Variants in ADAMTSL1 observed in about 807,000 individuals in gnomAD.
ADAMTSL1 encodes the protein ADAMTS-like protein 1.
A neutral mutation model predicts 201.8 loss-of-function variants in ADAMTSL1; 126 were observed. The observed-to-expected ratio is 0.62, with a 90% CI of 0.54 to 0.72. The LOEUF (loss-of-function observed/expected upper bound fraction) is 0.72, where lower values mean the gene tolerates loss of function less well. Ranked by LOEUF, ADAMTSL1 falls within the 30% of genes least tolerant of loss-of-function variation. The pLI is 0.00. For missense variants in ADAMTSL1, 2,679 were observed against 2,277.8 expected, an observed-to-expected ratio of 1.18 and a Z score of -3.59; for synonymous variants, 1,121 against 903.4, an observed-to-expected ratio of 1.24 and a Z score of -4.32.
At chr9:18,282,550 T>C (rs1832829719) in intron 2 of ADAMTSL1, among the ~76,000 whole-genome samples, 1 of 152,238 alleles carries the variant, frequency 6.6e-6, no homozygotes, top group Non-Finnish European at 1.5e-5. Context: ...TTATTCAGGC[T>C]TGCTTTATGG....
chr9:18,113,024 G>A (rs961460759), intron 1 of ADAMTSL1, among the ~76,000 whole-genome samples: 3 of 152,082 alleles, frequency 2.0e-5, no homozygotes, highest in Non-Finnish European at 4.4e-5. Flanking sequence ...TTCTCCAACT[G>A]GCTTTAAAAA....
At chr9:18,224,524 G>T (rs1300381380) in intron 2 of ADAMTSL1, among the ~76,000 whole-genome samples, 3 of 152,072 alleles carry the variant, frequency 2.0e-5, no homozygotes, top group South Asian at 2.1e-4. Context: ...ACATTCTGCT[G>T]CTGGCCCCCC....
At chr9:18,013,724 A>G (rs992935839) in intron 1 of ADAMTSL1, among the ~76,000 whole-genome samples, 1 of 152,008 alleles carries the variant, frequency 6.6e-6, no homozygotes, top group African/African-American at 2.4e-5. Context: ...CCCCATGACA[A>G]GATGCCATAC....
At chr9:18,076,097 G>C (rs1217507294) in intron 1 of ADAMTSL1, among the ~76,000 whole-genome samples, 1 of 152,184 alleles carries the variant, frequency 6.6e-6, no homozygotes, top group Non-Finnish European at 1.5e-5. Context: ...TCTAAACAAT[G>C]TGCCAATGAA....
intron 1 of ADAMTSL1, among the ~76,000 whole-genome samples, chr9:18,052,210 C>T (rs1326062861): frequency 1.3e-5 from 2 of 152,242 alleles, no homozygotes; most frequent in Non-Finnish European, 2.9e-5. Context: ...TGGCCCTTGC[C>T]TGTCTGGAGC....
chr9:18,611,616 C>T (rs12554902), intron 4 of ADAMTSL1, among the ~76,000 whole-genome samples: 60,987 of 151,978 alleles, frequency 0.4, 12,696 homozygotes, highest in East Asian at 0.54. Context: ...TTTTAATAAA[C>T]GTTAGAAATC....
chr9:18,796,301 A>T (rs1323481912), intron 20 of ADAMTSL1, among the ~76,000 whole-genome samples: 1 of 152,166 alleles, frequency 6.6e-6, no homozygotes, highest in African/African-American at 2.4e-5. Context: ...TGGCGGGGGA[A>T]GAAGGGAACT....
At chr9:18,203,366 A>C (rs1036642135) in intron 2 of ADAMTSL1, among the ~76,000 whole-genome samples, 1 of 152,090 alleles carries the variant, frequency 6.6e-6, no homozygotes, top group Admixed American at 6.6e-5. Context: ...AAAATGGAAA[A>C]GTTGATTTGA....
chr9:17,936,993 T>G lies in ADAMTSL1; in HGVS notation c.87+30071T>G, dbSNP rs1478760973. On this transcript the variant is annotated intron_variant, in intron 1 of 29. Transcript: ENST00000680146. ...CCTGCCAGCCATGCAGGATGCAGCA[T>G]GGTGGGTGAGATCCTTGCTCCACTG... Among the ~76,000 whole-genome samples the G allele has an allele frequency of 7.9e-5, 12 of 152,168 alleles. No homozygotes were observed. In the East Asian group the frequency reaches 2.3e-3, roughly 29 times the overall value.
chr9:17,913,058 T>C (rs1379843034), intron 1 of ADAMTSL1, among the ~76,000 whole-genome samples: 4 of 152,204 alleles, frequency 2.6e-5, no homozygotes, highest in African/African-American at 9.6e-5. Flanking sequence ...GATCTATATC[T>C]CTGTTTTGGT....
intron 1 of ADAMTSL1, among the ~76,000 whole-genome samples, chr9:18,126,135 T>C (rs1435542727): frequency 6.6e-6 from 1 of 152,228 alleles, no homozygotes; most frequent in East Asian, 1.9e-4. Flanking sequence ...TTTCACAAGA[T>C]TCTGGTAAGT....
intron 2 of ADAMTSL1, among the ~76,000 whole-genome samples, chr9:18,168,594 C>T (rs200312156): frequency 1.3e-5 from 2 of 150,486 alleles, no homozygotes; most frequent in Non-Finnish European, 3.0e-5. Context: ...ATACGTGTGC[C>T]TGTGTCTTTA....
intron 2 of ADAMTSL1, among the ~76,000 whole-genome samples, chr9:18,211,718 T>C (rs1829878656): frequency 6.6e-6 from 1 of 152,234 alleles, no homozygotes; most frequent in Non-Finnish European, 1.5e-5. Context: ...CTTCAGCATC[T>C]GAAGCTAAAG....
chr9:18,421,624 G>A (rs1818953707), intron 2 of ADAMTSL1, among the ~76,000 whole-genome samples: 1 of 152,214 alleles, frequency 6.6e-6, no homozygotes, highest in African/African-American at 2.4e-5. Flanking sequence ...TGCTGTCAAA[G>A]ATACCAGCAG....
intron 20 of ADAMTSL1, among the ~76,000 whole-genome samples, chr9:18,806,378 TTATC>T (rs1307950570): frequency 6.6e-6 from 1 of 152,158 alleles, no homozygotes; most frequent in African/African-American, 2.4e-5. Flanking sequence ...GGCTGGAAAA[TTATC>T]TAGCTGTGTG....
rs528584114 is a variant in ADAMTSL1 at position 18,877,090 on chromosome 9, A to T, written c.4250-10741A>T. 1.5e-4 allele frequency among the ~76,000 whole-genome samples: 23 copies of T among 151,912 alleles called. No individual in the cohort carries two copies. In the South Asian group the frequency reaches 4.4e-3, roughly 29 times the overall value. The stretch of plus-strand genomic sequence containing the variant: ...TCTGTGTCCTTCATTTCCAGAAGTT[A>T]TGATTGTTTTTTATTTATGCTGTCT... On this transcript the variant is annotated intron_variant, in intron 23 of 28. Coordinates refer to ENST00000380548, the MANE Select transcript of ADAMTSL1 (RefSeq NM_001040272.6).
intron 1 of ADAMTSL1, among the ~76,000 whole-genome samples, chr9:17,936,290 A>C (rs950981084): frequency 6.6e-6 from 1 of 152,164 alleles, no homozygotes. Context: ...CTTTAAAAAA[A>C]ATCACTGTAG....
intron 1 of ADAMTSL1, among the ~76,000 whole-genome samples, chr9:17,958,403 C>A (rs1322139069): frequency 6.6e-6 from 1 of 152,156 alleles, no homozygotes; most frequent in Non-Finnish European, 1.5e-5. Flanking sequence ...TCTTGTTTAT[C>A]AAAGGCACAA....
At chr9:17,907,691 G>T (rs973675108) in intron 1 of ADAMTSL1, among the ~76,000 whole-genome samples, 2 of 152,182 alleles carry the variant, frequency 1.3e-5, no homozygotes. Context: ...GCCTGGTAGT[G>T]GTTTATTATC....
Sources: allele counts gnomAD v4.1 joint callset (sites outside exome capture counted in the v4.1 genomes callset), GRCh38; gene constraint gnomAD v4.1.1; transcripts MANE v1.5; gene names NCBI Gene and HGNC (gene_info 2026-07-23, HGNC 2026-07-21).